APOL4: variants seen among roughly 807,000 people sequenced by gnomAD.
The protein encoded by APOL4 is apolipoprotein L4.
Under a neutral mutation model 12.1 loss-of-function variants are expected in APOL4, and 14 were observed. The ratio of observed to expected loss-of-function variants is 1.16; its 90% CI spans 0.76 to 1.81. The LOEUF is 1.81. Ranked by LOEUF, APOL4 falls within the 40% of genes most tolerant of loss-of-function variation. The pLI is 0.00. For synonymous variants in APOL4, 171 were observed against 160.6 expected, an observed-to-expected ratio of 1.06 and a Z score of -0.49; for missense variants, 432 against 423.1, an observed-to-expected ratio of 1.02 and a Z score of -0.18.
At chr22:36,194,441 T>C (rs1189073125) in intron 3 of APOL4, among the ~76,000 whole-genome samples, 1 of 152,184 alleles carries the variant, frequency 6.6e-6, no homozygotes, top group African/African-American at 2.4e-5. Context: ...GCTCCAGCCT[T>C]CCTGCTGCTC....
intron 2 of APOL4, among the ~76,000 whole-genome samples, chr22:36,196,682 G>A (rs1007891162): frequency 1.6e-4 from 25 of 152,090 alleles, no homozygotes; most frequent in African/African-American, 5.3e-4. Context: ...ATGTATAATT[G>A]TTTCCTGCTG....
upstream of APOL4, among the ~76,000 whole-genome samples, chr22:36,202,734 GA>G (rs60167679): frequency 0.38 from 54,012 of 143,078 alleles, 10,775 homozygotes; most frequent in East Asian, 0.85. Flanking sequence ...TCAGAAAAAA[GA>G]AAAAAAAAAA....
chr22:36,197,923 A>AC, intron 2 of APOL4: 2 of 1,432,226 alleles, frequency 1.4e-6, no homozygotes, highest in Non-Finnish European at 1.8e-6. Context: ...ACTCAATCAT[A>AC]CCCTCCTTGT....
chr22:36,201,848 G>A (rs962527132), upstream of APOL4: 16 of 1,574,024 alleles, frequency 1.0e-5, no homozygotes, highest in Middle Eastern at 1.7e-4. Context: ...CCCTCTAGGC[G>A]AGTCTACCAG....
chr22:36,197,667 C>T (rs983250748), intron 2 of APOL4: 14 of 1,549,806 alleles, frequency 9.0e-6, no homozygotes, highest in East Asian at 7.3e-5. Flanking sequence ...AGCTTAACCT[C>T]GGCCAGTCAT....
Position 36,191,675 on chromosome 22 carries a change from G to C in APOL4, c.447C>G (p.Ile149Met). The stretch of plus-strand genomic sequence containing the variant: ...CCAACATAACGCCAATGACAGACAG[G>C]ATGCCAGTGGAGCCAGACACCACAT... Reference protein sequence around the residue: ...IANVVSGSTGILSVIGVMLAP... With the variant: ...IANVVSGSTGMLSVIGVMLAP... The change falls in exon 4 of 4, where the codon ATC becomes ATG. Residue 149 changes from isoleucine to methionine, a missense_variant. Coordinates refer to ENST00000683024, the MANE Select transcript of APOL4 (RefSeq NM_001386885.1). 5 of 1,614,046 alleles carry C rather than the reference G, an allele frequency of 3.1e-6. No homozygotes were observed. The highest frequency in any genetic ancestry group is 4.2e-6 in the Non-Finnish European group (5 of 1,179,894).
chr22:36,192,437 A>T (rs1603477630), intron 3 of APOL4, among the ~76,000 whole-genome samples: 2 of 152,372 alleles, frequency 1.3e-5, no homozygotes, highest in Non-Finnish European at 1.5e-5. Flanking sequence ...AAAATAAGTT[A>T]AAGTCATCTT....
upstream of APOL4, among the ~76,000 whole-genome samples, chr22:36,203,740 A>G (rs1209659393): frequency 6.6e-6 from 1 of 152,168 alleles, no homozygotes. Flanking sequence ...CCATATGGAC[A>G]GGCGCCCCCC....
At chr22:36,192,125 G>A (rs1287455281) in intron 3 of APOL4, among the ~76,000 whole-genome samples, 2 of 152,190 alleles carry the variant, frequency 1.3e-5, no homozygotes, top group Non-Finnish European at 2.9e-5. Context: ...TGGATCACAA[G>A]GTCAGGAGAT....
intron 2 of APOL4, chr22:36,197,908 C>T (rs2014461058): frequency 4.8e-6 from 7 of 1,462,592 alleles, no homozygotes; most frequent in African/African-American, 1.4e-5. Flanking sequence ...CACCTTTCAC[C>T]CCAGACTCAA....
At chr22:36,197,917 A>G in intron 2 of APOL4, 5 of 1,443,012 alleles carry the variant, frequency 3.5e-6, no homozygotes, top group Non-Finnish European at 4.6e-6. Context: ...CCCCAGACTC[A>G]ATCATACCCT....
chr22:36,200,784 C>T (rs753057505), intron 1 of APOL4, among the ~76,000 whole-genome samples: 40 of 152,238 alleles, frequency 2.6e-4, no homozygotes, highest in Non-Finnish European at 4.3e-4. Flanking sequence ...CCCATTCTTT[C>T]AGTCTTACTG....
chr22:36,194,446 C>A (rs1316868932), intron 3 of APOL4, among the ~76,000 whole-genome samples: 1 of 152,192 alleles, frequency 6.6e-6, no homozygotes, highest in Non-Finnish European at 1.5e-5. Flanking sequence ...AGCCTTCCTG[C>A]TGCTCCTCCA....
chr22:36,192,881 G>T (rs2014302858), intron 3 of APOL4, among the ~76,000 whole-genome samples: 1 of 152,194 alleles, frequency 6.6e-6, no homozygotes, highest in Admixed American at 6.5e-5. Flanking sequence ...TTGTGATCCA[G>T]CCCCAGGAAG....
At chr22:36,196,311 T>C (rs772690286) in intron 2 of APOL4, among the ~76,000 whole-genome samples, 22 of 152,192 alleles carry the variant, frequency 1.4e-4, no homozygotes, top group Non-Finnish European at 2.9e-4. Flanking sequence ...TTTTGTAAGA[T>C]ACTTGAAATA....
At chr22:36,198,883 G>T (rs1475455657) in intron 2 of APOL4, among the ~76,000 whole-genome samples, 1 of 152,184 alleles carries the variant, frequency 6.6e-6, no homozygotes. Flanking sequence ...GAGCTGGAGG[G>T]AGGGGACCGG....
At chr22:36,197,184 T>C (rs532535971) in intron 2 of APOL4, among the ~76,000 whole-genome samples, 116 of 152,318 alleles carry the variant, frequency 7.6e-4, no homozygotes, top group South Asian at 1.7e-3. Flanking sequence ...ATTCTGGGAT[T>C]GGCTGAGAGC....
chr22:36,196,654 T>C lies in APOL4; in HGVS notation c.83-1217A>G, dbSNP rs2014419796. 2.6e-5 allele frequency among the ~76,000 whole-genome samples: 4 copies of C among 152,204 alleles called. No homozygotes were observed. The South Asian group carries it at 8.3e-4, about 32-fold the overall frequency. On this transcript the variant is annotated intron_variant, in intron 2 of 3. Transcript: ENST00000683024. Reference sequence around the variant, plus strand: ...GGGGCTGGGAACCAGTTTGTATTTATGTATGCACTGGGACATGATGTATAA... The same window carrying C: ...GGGGCTGGGAACCAGTTTGTATTTACGTATGCACTGGGACATGATGTATAA...
chr22:36,197,702 T>G, intron 2 of APOL4: 2 of 1,550,476 alleles, frequency 1.3e-6, no homozygotes, highest in Non-Finnish European at 1.7e-6. Flanking sequence ...CAGAGGGCCA[T>G]GCTGAGATGT....
Sources: gnomAD v4.1 joint callset for allele counts (sites outside exome capture counted in the v4.1 genomes callset) on GRCh38, gnomAD v4.1.1 for gene constraint, MANE v1.5 for transcripts, NCBI Gene and HGNC (gene_info 2026-07-23, HGNC 2026-07-21) for gene names.